ZBTB38: variants seen among roughly 807,000 people sequenced by gnomAD.
ZBTB38 encodes zinc finger and BTB domain containing 38.
A neutral mutation model predicts 76.8 loss-of-function variants in ZBTB38; 20 were observed. The observed-to-expected ratio is 0.26, with a 90% CI of 0.18 to 0.38. ZBTB38 has a LOEUF of 0.38. ZBTB38 is among the 10% of genes least tolerant of loss of function. ZBTB38 has a pLI of 1.00. For synonymous variants in ZBTB38, 504 were observed against 544.2 expected, an observed-to-expected ratio of 0.93 and a Z score of 1.03; for missense variants, 1,082 against 1,482.3, an observed-to-expected ratio of 0.73 and a Z score of 4.43.
intron 1 of ZBTB38, chr3:141,324,547 A>G (rs1942617735): frequency 6.6e-6 from 1 of 152,206 alleles, no homozygotes; most frequent in African/African-American, 2.4e-5. Context: ...TCTCTAAATG[A>G]CCCTTGGAAC....
chr3:141,433,702 TAG>T (rs779348435), intron 5 of ZBTB38, among the ~76,000 whole-genome samples: 1 of 152,256 alleles, frequency 6.6e-6, no homozygotes, highest in Non-Finnish European at 1.5e-5. Flanking sequence ...TCTGGCTTGA[TAG>T]AAAGACAGCT....
chr3:141,342,596 G>A (rs9823785), intron 1 of ZBTB38, among the ~76,000 whole-genome samples: 40,872 of 151,750 alleles, frequency 0.27, 5,962 homozygotes, highest in Non-Finnish European at 0.32. Context: ...ACATAGCTGC[G>A]GTTGAGAAGC....
In ZBTB38 at chr3:141,443,035, G is replaced by T. The variant is rs753690838; in HGVS notation, c.647G>T (p.Arg216Leu). 1.2e-6 allele frequency: 2 copies of T among 1,614,218 alleles called. No individual in the cohort carries two copies. The highest frequency in any genetic ancestry group is 2.2e-5 in the East Asian group (1 of 44,882). The change falls in exon 6 of 6, where the codon CGC becomes CTC. Residue 216 changes from arginine to leucine, a missense_variant. Arg to Leu is a moderately radical substitution (Grantham distance 102, BLOSUM62 -2). Transcript: ENST00000321464. The surrounding 1 kb of genome is among the most constrained non-coding windows in gnomAD (Gnocchi z 5.6). ...TDVCHEAEPV[R>L]TLAEHSYAVS... is the part of the protein sequence containing the mutation. ...GTCTGCCACGAGGCAGAGCCTGTCC[G>T]CACACTTGCCGAGCACTCATACGCT... is the stretch of plus-strand genomic sequence containing the variant.
chr3:141,435,612 T>G (rs899117476), intron 5 of ZBTB38, among the ~76,000 whole-genome samples: 2 of 150,706 alleles, frequency 1.3e-5, no homozygotes, highest in East Asian at 3.9e-4. Context: ...ATACAAAAAT[T>G]AGCCAGGCAC....
At chr3:141,354,950 A>C (rs766765270) in intron 1 of ZBTB38, among the ~76,000 whole-genome samples, 7 of 152,082 alleles carry the variant, frequency 4.6e-5, no homozygotes, top group African/African-American at 1.7e-4. Flanking sequence ...TCCTGTTTTC[A>C]TCTTATTTTT....
chr3:141,426,825 A>G lies in ZBTB38; in HGVS notation c.1-15564A>G, dbSNP rs576099457. Among the ~76,000 whole-genome samples, 3 of 152,312 alleles carry G rather than the reference A, an allele frequency of 2.0e-5. 1 individual carries two copies. In the South Asian group the frequency reaches 6.2e-4, roughly 32 times the overall value. On this transcript the variant is annotated intron_variant, in intron 5 of 5. Coordinates refer to ENST00000321464, the MANE Select transcript of ZBTB38 (RefSeq NM_001376113.1). ...GCTCTTTTTCTTCCTTTTGGCCAAA[A>G]TGGTGATAGTAAGCAGTTTTTCAGT...
chr3:141,426,201 A>G (rs2076346607), intron 5 of ZBTB38: 3 of 1,289,278 alleles, frequency 2.3e-6, no homozygotes, highest in Non-Finnish European at 3.0e-6. Context: ...CAGAAGTCAC[A>G]GGCCAGGTCG....
intron 1 of ZBTB38, among the ~76,000 whole-genome samples, chr3:141,353,809 T>G (rs1249065039): frequency 6.6e-6 from 1 of 152,172 alleles, no homozygotes; most frequent in Non-Finnish European, 1.5e-5. Flanking sequence ...CCTGGTTCAC[T>G]GTTACTCACT....
intron 5 of ZBTB38, among the ~76,000 whole-genome samples, chr3:141,432,434 TA>T (rs1219946489): frequency 1.3e-5 from 2 of 151,864 alleles, no homozygotes; most frequent in Admixed American, 6.6e-5. Flanking sequence ...ATTAGAAGAT[TA>T]AAAAAAATGG....
At position 141,443,286 on chromosome 3, in the gene ZBTB38, C is replaced by T. The variant is rs62282002; in HGVS notation, c.898C>T (p.Pro300Ser). 88 of 1,614,062 alleles carry T rather than the reference C, an allele frequency of 5.5e-5. No individual in the cohort carries two copies. The highest frequency in any genetic ancestry group is 7.4e-5 in the Non-Finnish European group (87 of 1,180,046). ...LEVNQERSPQ[P>S]AAVLTRSKSP... Reference sequence around the variant, plus strand: ...GGTTAATCAAGAAAGAAGTCCACAACCAGCTGCTGTTCTCACTCGTTCAAA... The same window carrying T: ...GGTTAATCAAGAAAGAAGTCCACAATCAGCTGCTGTTCTCACTCGTTCAAA... The change falls in exon 6 of 6, where the codon CCA (proline) becomes TCA (serine). Residue 300 changes from proline to serine, a missense_variant. Coordinates refer to ENST00000321464, the MANE Select transcript of ZBTB38 (RefSeq NM_001376113.1). This position sits in a 1 kb window ranked among gnomAD's most constrained non-coding sequence, Gnocchi z 5.6.
At chr3:141,405,362 G>A (rs1444116885) in intron 5 of ZBTB38, among the ~76,000 whole-genome samples, 1 of 152,184 alleles carries the variant, frequency 6.6e-6, no homozygotes. Flanking sequence ...TCTTCAGAAA[G>A]GAATTTCACA....
intron 5 of ZBTB38, among the ~76,000 whole-genome samples, chr3:141,407,941 A>G (rs773945183): frequency 7.2e-5 from 11 of 152,238 alleles, no homozygotes; most frequent in African/African-American, 2.7e-4. Context: ...ACCCCGCATC[A>G]TCTCATTGCT....
intron 1 of ZBTB38, among the ~76,000 whole-genome samples, chr3:141,350,698 T>C (rs997219607): frequency 6.6e-6 from 1 of 152,258 alleles, no homozygotes; most frequent in Non-Finnish European, 1.5e-5. Flanking sequence ...TTAATTGATA[T>C]ATGAGTCAAA....
chr3:141,435,875 TTA>T (rs1259307060), intron 5 of ZBTB38, among the ~76,000 whole-genome samples: 1 of 150,854 alleles, frequency 6.6e-6, no homozygotes, highest in Non-Finnish European at 1.5e-5. Flanking sequence ...ACAAATTACT[TTA>T]TGTTTTTAAA....
intron 4 of ZBTB38, among the ~76,000 whole-genome samples, chr3:141,397,806 C>A (rs563826046): frequency 6.6e-6 from 1 of 152,262 alleles, no homozygotes; most frequent in African/African-American, 2.4e-5. Flanking sequence ...CATGGCACCC[C>A]AAAGCAATTA....
intron 5 of ZBTB38, among the ~76,000 whole-genome samples, chr3:141,407,239 G>A (rs184768811): frequency 1.4e-4 from 21 of 152,242 alleles, no homozygotes; most frequent in African/African-American, 4.8e-4. Context: ...GCATTTTCAC[G>A]TGCATATGAG....
intron 4 of ZBTB38, among the ~76,000 whole-genome samples, chr3:141,399,795 C>G (rs2149505644): frequency 6.6e-6 from 1 of 152,084 alleles, no homozygotes; most frequent in African/African-American, 2.4e-5. Context: ...TTAAACTGGC[C>G]AAGAGTCCTA....
intron 2 of ZBTB38, among the ~76,000 whole-genome samples, chr3:141,373,417 G>A (rs1944919806): frequency 6.6e-6 from 1 of 152,192 alleles, no homozygotes; most frequent in African/African-American, 2.4e-5. Flanking sequence ...GTCTCACACA[G>A]GCAGCTCTTA....
chr3:141,339,110 T>C (rs1410139697), intron 1 of ZBTB38, among the ~76,000 whole-genome samples: 1 of 152,018 alleles, frequency 6.6e-6, no homozygotes, highest in Non-Finnish European at 1.5e-5. Flanking sequence ...AAATCTCAAG[T>C]GAACCAGTGT....
Sources: allele counts gnomAD v4.1 joint callset (sites outside exome capture counted in the v4.1 genomes callset), GRCh38; gene constraint gnomAD v4.1.1; non-coding constraint Gnocchi (gnomAD v3.1); transcripts MANE v1.5; gene names NCBI Gene and HGNC (gene_info 2026-07-23, HGNC 2026-07-21).